The following FYB1 variants were observed in gnomAD, a reference collection of about 807,000 sequenced individuals.
FYB1 encodes the protein FYN-binding protein 1.
Under a neutral mutation model 94.1 loss-of-function variants are expected in FYB1, and 41 were observed. The ratio of observed to expected loss-of-function variants is 0.44; its 90% CI spans 0.34 to 0.57. The LOEUF is 0.57. Among genes scored for constraint, FYB1 ranks in the 20% least tolerant of loss-of-function variants. The pLI is 0.02. For missense variants in FYB1, 1,050 were observed against 976.8 expected, an observed-to-expected ratio of 1.07 and a Z score of -1.00; for synonymous variants, 367 against 353.2, an observed-to-expected ratio of 1.04 and a Z score of -0.44.
At chr5:39,258,009 C>T (rs1364362553) in intron 1 of FYB1, among the ~76,000 whole-genome samples, 1 of 152,150 alleles carries the variant, frequency 6.6e-6, no homozygotes, top group African/African-American at 2.4e-5. Context: ...ACTGGGAAGG[C>T]TTTGTTAATA....
intron 3 of FYB1, among the ~76,000 whole-genome samples, chr5:39,143,649 G>A (rs1754186082): frequency 6.6e-6 from 1 of 152,116 alleles, no homozygotes; most frequent in Admixed American, 6.5e-5. Context: ...AAGAGATGCT[G>A]GTTGTAAAAT....
intron 12 of FYB1, 23 bp from the exon 13 acceptor site, chr5:39,124,301 A>C (rs755578059): frequency 6.5e-7 from 1 of 1,532,066 alleles, no homozygotes. Flanking sequence ...TGAGAACACA[A>C]TTATAATCAG....
chr5:39,255,887 G>T (rs1393927965), intron 1 of FYB1, among the ~76,000 whole-genome samples: 1 of 152,152 alleles, frequency 6.6e-6, no homozygotes, highest in East Asian at 1.9e-4. Flanking sequence ...TGAGAAAACA[G>T]AATTTACTGT....
chr5:39,140,195 C>A (rs1742044676), intron 4 of FYB1, among the ~76,000 whole-genome samples: 1 of 152,156 alleles, frequency 6.6e-6, no homozygotes. Flanking sequence ...AGTTAATAGA[C>A]AACTGACCGA....
chr5:39,139,110 G>GA, intron 5 of FYB1, 123 bp downstream of exon 5: 2 of 1,041,582 alleles, frequency 1.9e-6, no homozygotes, highest in Non-Finnish European at 2.7e-6. Flanking sequence ...ATTAGAAATG[G>GA]AAAAATATCA....
chr5:39,260,970 T>C (rs1483338606), intron 1 of FYB1, among the ~76,000 whole-genome samples: 2 of 151,988 alleles, frequency 1.3e-5, no homozygotes, highest in Non-Finnish European at 2.9e-5. Flanking sequence ...GGTTGAAGGA[T>C]TGTATTAAAT....
At chr5:39,124,584 T>C (rs186039056) in intron 12 of FYB1, among the ~76,000 whole-genome samples, 39 of 152,288 alleles carry the variant, frequency 2.6e-4, no homozygotes, top group African/African-American at 9.1e-4. Context: ...ATATGAGGTT[T>C]GGGCATAATA....
chr5:39,258,464 G>T (rs1183437509), intron 1 of FYB1, among the ~76,000 whole-genome samples: 1 of 152,106 alleles, frequency 6.6e-6, no homozygotes, highest in Non-Finnish European at 1.5e-5. Flanking sequence ...TGTGGGTGTG[G>T]TGGTGCATGT....
chr5:39,159,772 C>T (rs776417955), intron 2 of FYB1, among the ~76,000 whole-genome samples: 12 of 152,060 alleles, frequency 7.9e-5, no homozygotes, highest in Non-Finnish European at 1.8e-4. Flanking sequence ...TCAGTGCCTG[C>T]TTCCTTGTAC....
At chr5:39,191,950 T>G (rs995262932) in intron 2 of FYB1, among the ~76,000 whole-genome samples, 1 of 152,248 alleles carries the variant, frequency 6.6e-6, no homozygotes, top group African/African-American at 2.4e-5. Context: ...ACAAAAAGCA[T>G]GCACAAAGAC....
chr5:39,125,257 C>T (rs1740535106), intron 12 of FYB1, among the ~76,000 whole-genome samples: 1 of 151,974 alleles, frequency 6.6e-6, no homozygotes, highest in South Asian at 2.1e-4. Context: ...AAGACTTGAG[C>T]TAAATGTGGT....
intron 15 of FYB1, 83 bp from the exon 16 acceptor site, chr5:39,119,119 G>A: frequency 6.0e-6 from 4 of 668,146 alleles, no homozygotes; most frequent in Non-Finnish European, 9.0e-6. Context: ...TTATTAAAAA[G>A]TTATTTGCTA....
At chr5:39,143,372 C>T (rs955775066) in intron 3 of FYB1, among the ~76,000 whole-genome samples, 9 of 150,628 alleles carry the variant, frequency 6.0e-5, no homozygotes, top group Admixed American at 5.9e-4. Context: ...CATCAAATTA[C>T]ACCAGTTCCC....
chr5:39,177,364 C>G (rs1406729064), intron 2 of FYB1, among the ~76,000 whole-genome samples: 1 of 152,206 alleles, frequency 6.6e-6, no homozygotes, highest in Non-Finnish European at 1.5e-5. Context: ...TTTAAATTCA[C>G]AGAGCTATAG....
chr5:39,132,945 C>A (rs1210532271), intron 9 of FYB1, among the ~76,000 whole-genome samples: 1 of 152,174 alleles, frequency 6.6e-6, no homozygotes, highest in Non-Finnish European at 1.5e-5. Context: ...CGATGTTTGA[C>A]TAAAGTCAGT....
At chr5:39,249,075 C>T (rs1579781852) in intron 1 of FYB1, among the ~76,000 whole-genome samples, 2 of 152,194 alleles carry the variant, frequency 1.3e-5, no homozygotes, top group Admixed American at 6.5e-5. Flanking sequence ...CTGGGCAGTG[C>T]AGACACACAT....
chr5:39,214,241 C>T lies in FYB1; in HGVS notation c.-28+5202G>A, dbSNP rs138409066. Among the ~76,000 whole-genome samples the T allele has an allele frequency of 7.1e-3, 1,080 of 152,232 alleles. 2 individuals are homozygous for T. The highest frequency in any genetic ancestry group is 1.0e-2 in the Non-Finnish European group (678 of 68,010). On this transcript the variant is annotated intron_variant, in intron 1 of 18. Transcript: ENST00000512982. Reference sequence around the variant, plus strand: ...ATAATTTAAAAAAAGCAGAAAATAACGAGTGTTGGACAGGATTTGGGGAAA... The same window carrying T: ...ATAATTTAAAAAAAGCAGAAAATAATGAGTGTTGGACAGGATTTGGGGAAA...
chr5:39,148,154 TTTATATATA>T (rs1488359115), intron 3 of FYB1, among the ~76,000 whole-genome samples: 6 of 41,924 alleles, frequency 1.4e-4, no homozygotes, highest in Non-Finnish European at 2.1e-4. Context: ...ATATGTATTT[TTTATATATA>T]TATATATATA....
chr5:39,171,210 A>G (rs1194529901), intron 2 of FYB1, among the ~76,000 whole-genome samples: 1 of 152,086 alleles, frequency 6.6e-6, no homozygotes, highest in Non-Finnish European at 1.5e-5. Context: ...GAATTGCTTG[A>G]ACCTAGGAGG....
Sources: allele counts gnomAD v4.1 joint callset (sites outside exome capture counted in the v4.1 genomes callset), GRCh38; gene constraint gnomAD v4.1.1; transcripts MANE v1.5; gene names NCBI Gene and HGNC (gene_info 2026-07-23, HGNC 2026-07-21).